SMAD6: variants seen among roughly 807,000 people sequenced by gnomAD.
SMAD6 encodes the protein SMAD family member 6.
SMAD6 carries 103 observed loss-of-function variants against 39.4 expected under a neutral mutation model. That is an observed-to-expected ratio of 2.62 (90% confidence interval 2.23 to 3.08). SMAD6 has a LOEUF of 3.08. Ranked by LOEUF, SMAD6 falls within the 30% of genes most tolerant of loss-of-function variation. The probability of loss-of-function intolerance (pLI) is 0.00; values close to 1 mark genes in which losing one functional copy is unlikely to be tolerated. For synonymous variants in SMAD6, 445 were observed against 353.3 expected, an observed-to-expected ratio of 1.26 and a Z score of -2.91; for missense variants, 1,104 against 742.9, an observed-to-expected ratio of 1.49 and a Z score of -5.65.
chr15:66,723,688 AACAT>A (rs1354626176), intron 3 of SMAD6, among the ~76,000 whole-genome samples: 1 of 152,196 alleles, frequency 6.6e-6, no homozygotes, highest in Non-Finnish European at 1.5e-5. Flanking sequence ...AAAAGTAAGA[AACAT>A]AAAAATTAAA....
chr15:66,726,673 C>G (rs923871914), intron 3 of SMAD6, among the ~76,000 whole-genome samples: 1 of 152,088 alleles, frequency 6.6e-6, no homozygotes, highest in African/African-American at 2.4e-5. Flanking sequence ...GCCAGGAGGC[C>G]CAGCTCCTAG....
At position 66,703,392 on chromosome 15, in the gene SMAD6, CG is replaced by C. The variant is rs2140580751; in HGVS notation, c.136del (p.Ala46ProfsTer18). ...EDGSLGSRAE[P>X]APRAREGGGC... ...GGGAGCTTGGGCAGCCGAGCTGAGC[CG>C]GCCCCGCGGGCAAGAGAGGGCGGAG... is the stretch of plus-strand genomic sequence containing the variant. On this transcript the variant is annotated frameshift_variant, in exon 1 of 4. Transcript: ENST00000288840. LOFTEE classifies it high-confidence loss of function. 2 of 1,410,874 alleles carry C rather than the reference CG, an allele frequency of 1.4e-6. No homozygotes were observed. Among genetic ancestry groups the C allele is most frequent in the Non-Finnish European group, 1.8e-6 (2 of 1,081,848 alleles). The allele number at this position is 1,410,874 out of a possible 1,614,324, so 87.4% of individuals were successfully genotyped here. A position where few individuals can be genotyped will look rare whatever the true frequency, so the allele number is the denominator to read the frequency against.
chr15:66,721,275 G>T (rs1893427673), intron 3 of SMAD6, among the ~76,000 whole-genome samples: 1 of 152,156 alleles, frequency 6.6e-6, no homozygotes, highest in African/African-American at 2.4e-5. Flanking sequence ...CATTTCCGGG[G>T]TCCGTTGGGG....
intron 3 of SMAD6, among the ~76,000 whole-genome samples, chr15:66,772,919 T>C (rs1385169385): frequency 1.3e-5 from 2 of 152,220 alleles, no homozygotes; most frequent in Non-Finnish European, 2.9e-5. Context: ...GCCTTGGCCA[T>C]GTGGACGGCA....
At chr15:66,738,551 T>G (rs1893755331) in intron 3 of SMAD6, among the ~76,000 whole-genome samples, 1 of 152,202 alleles carries the variant, frequency 6.6e-6, no homozygotes, top group African/African-American at 2.4e-5. Context: ...TGCACATATT[T>G]CCACTTGATC....
chr15:66,703,769 G>C lies in SMAD6; in HGVS notation c.511G>C (p.Glu171Gln). 1.4e-6 allele frequency: 2 copies of C among 1,423,700 alleles called. No homozygotes were observed. Among genetic ancestry groups the C allele is most frequent in the South Asian group, 1.4e-5 (1 of 70,350 alleles). The allele number at this position is 1,423,700 out of a possible 1,614,324, so 88.2% of individuals were successfully genotyped here. ...ARSRLLLLEQELKTVTYSLLK... is the reference protein window; with the variant it reads ...ARSRLLLLEQQLKTVTYSLLK... ...CTCGCGGCTGCTGCTGCTGGAGCAG[G>C]AACTCAAAACCGTCACGTACTCGCT... The change falls in exon 1 of 4, where the codon GAA (glutamate) becomes CAA (glutamine). Residue 171 changes from glutamate (E) to glutamine (Q), a missense_variant. Physicochemically the swap from Glu to Gln is conservative, Grantham distance 29 (BLOSUM62 2). Coordinates refer to ENST00000288840, the MANE Select transcript of SMAD6 (RefSeq NM_005585.5).
intron 3 of SMAD6, among the ~76,000 whole-genome samples, chr15:66,768,090 C>T (rs1433629234): frequency 6.6e-6 from 1 of 151,096 alleles, no homozygotes; most frequent in South Asian, 2.1e-4. Context: ...CCACCTCAAC[C>T]TCTAGAGTAG....
At chr15:66,734,778 G>A (rs1298157590) in intron 3 of SMAD6, among the ~76,000 whole-genome samples, 1 of 152,236 alleles carries the variant, frequency 6.6e-6, no homozygotes, top group Non-Finnish European at 1.5e-5. Context: ...ACTAGATAGG[G>A]TGGTGGTTGT....
chr15:66,764,143 C>T (rs1894251483), intron 3 of SMAD6, among the ~76,000 whole-genome samples: 1 of 152,230 alleles, frequency 6.6e-6, no homozygotes, highest in Non-Finnish European at 1.5e-5. Context: ...GTGATACTAA[C>T]TGGATAATAT....
At chr15:66,733,833 C>G (rs1434212257) in intron 3 of SMAD6, among the ~76,000 whole-genome samples, 1 of 152,166 alleles carries the variant, frequency 6.6e-6, no homozygotes, top group Non-Finnish European at 1.5e-5. Context: ...ATTCAAAGAC[C>G]TGGTGAGGTC....
At chr15:66,769,856 G>T (rs563198005) in intron 3 of SMAD6, among the ~76,000 whole-genome samples, 79 of 152,184 alleles carry the variant, frequency 5.2e-4, no homozygotes, top group African/African-American at 1.8e-3. Flanking sequence ...TTTTTGAGAT[G>T]GAGTCTTGCT....
At chr15:66,738,311 G>T (rs1043983868) in intron 3 of SMAD6, among the ~76,000 whole-genome samples, 4 of 152,186 alleles carry the variant, frequency 2.6e-5, no homozygotes, top group Non-Finnish European at 5.9e-5. Context: ...GTGAAGCACA[G>T]CTGGAGGTGT....
chr15:66,763,907 T>C (rs1039991799), intron 3 of SMAD6, among the ~76,000 whole-genome samples: 5 of 152,228 alleles, frequency 3.3e-5, no homozygotes, highest in Admixed American at 3.3e-4. Context: ...GGGTGGCATG[T>C]TGGCATGCCA....
intron 3 of SMAD6, among the ~76,000 whole-genome samples, chr15:66,779,409 G>T (rs1406792087): frequency 1.3e-5 from 2 of 152,184 alleles, no homozygotes; most frequent in African/African-American, 4.8e-5. Context: ...CAGACTTGGG[G>T]ACCTGTGTCT....
At chr15:66,742,557 G>A (rs762290414) in intron 3 of SMAD6, among the ~76,000 whole-genome samples, 5 of 152,130 alleles carry the variant, frequency 3.3e-5, no homozygotes, top group African/African-American at 7.2e-5. Flanking sequence ...CAGCCTCAAT[G>A]TTTGTGGTCT....
At chr15:66,728,468 G>A (rs1220108073) in intron 3 of SMAD6, among the ~76,000 whole-genome samples, 2 of 151,694 alleles carry the variant, frequency 1.3e-5, no homozygotes, top group African/African-American at 2.4e-5. Context: ...ATGCAGTGAT[G>A]TGATCTCGGC....
chr15:66,755,883 A>T (rs566365556), intron 3 of SMAD6, among the ~76,000 whole-genome samples: 1 of 152,220 alleles, frequency 6.6e-6, no homozygotes, highest in South Asian at 2.1e-4. Context: ...GTGAAGGGGC[A>T]ATCTCCTCTT....
chr15:66,750,193 C>T (rs1893979091), intron 3 of SMAD6, among the ~76,000 whole-genome samples: 1 of 152,116 alleles, frequency 6.6e-6, no homozygotes, highest in Admixed American at 6.5e-5. Context: ...TGACCTTGGG[C>T]CAGTCACCAC....
chr15:66,757,679 C>T (rs990687520), intron 3 of SMAD6, among the ~76,000 whole-genome samples: 1 of 152,214 alleles, frequency 6.6e-6, no homozygotes, highest in Admixed American at 6.5e-5. Context: ...AAGGTGGGGC[C>T]CCCTGGCAGA....
Sources: allele counts gnomAD v4.1 joint callset (sites outside exome capture counted in the v4.1 genomes callset), GRCh38; gene constraint gnomAD v4.1.1; transcripts MANE v1.5; gene names NCBI Gene and HGNC (gene_info 2026-07-23, HGNC 2026-07-21).